Variants in MLYCD observed in about 807,000 individuals in gnomAD.
The protein encoded by MLYCD is malonyl-CoA decarboxylase, mitochondrial.
A neutral mutation model predicts 35.8 loss-of-function variants in MLYCD; 27 were observed. The ratio of observed to expected loss-of-function variants is 0.75; its 90% CI spans 0.56 to 1.04. The LOEUF is 1.04. Ranked by LOEUF, MLYCD falls within the 50% of genes least tolerant of loss-of-function variation. MLYCD has a pLI of 0.00. For missense variants in MLYCD, 917 were observed against 665.1 expected, an observed-to-expected ratio of 1.38 and a Z score of -4.17; for synonymous variants, 403 against 302.4, an observed-to-expected ratio of 1.33 and a Z score of -3.45.
At chr16:83,914,590 C>T (rs1337864355) in intron 4 of MLYCD, 2 of 346,750 alleles carry the variant, frequency 5.8e-6, no homozygotes, top group African/African-American at 2.1e-5. Flanking sequence ...GTCAGGATGC[C>T]TCCAGGGTCT....
At position 83,921,367 on chromosome 16, in the gene MLYCD, A is replaced by T. The variant is rs976480493; in HGVS notation, c.*5878A>T. 1.2e-4 allele frequency: 15 copies of T among 123,046 alleles called. No individual in the cohort carries two copies. Among genetic ancestry groups the T allele is most frequent in the Middle Eastern group, 4.0e-3 (1 of 250 alleles). 7.6% of individuals were successfully genotyped at this position (123,046 alleles called of 1,614,324 possible). A position where few individuals can be genotyped will look rare whatever the true frequency, so the allele number is the denominator to read the frequency against. On this transcript the variant is annotated 3_prime_UTR_variant, in exon 5 of 5. Transcript: ENST00000262430. ...ATGGAAGGAAAGGAAAGGAGGATGG[A>T]TGGATGGATGGATGGATAGATGGAT...
chr16:83,900,487 T>G (rs1597286741), intron 1 of MLYCD, among the ~76,000 whole-genome samples: 1 of 151,944 alleles, frequency 6.6e-6, no homozygotes, highest in Admixed American at 6.6e-5. Context: ...TTATCACGGC[T>G]CACTGCAGCC....
intron 1 of MLYCD, among the ~76,000 whole-genome samples, chr16:83,900,119 C>T (rs1906731887): frequency 6.6e-6 from 1 of 152,130 alleles, no homozygotes; most frequent in Non-Finnish European, 1.5e-5. Flanking sequence ...GAGACATTGT[C>T]CTGAGAAGTC....
Position 83,923,320 on chromosome 16 carries a change from T to C in MLYCD, c.*7831T>C, listed in dbSNP as rs539500166. 2.0e-5 allele frequency: 3 copies of C among 152,382 alleles called. No individual in the cohort carries two copies. The highest frequency in any genetic ancestry group is 1.9e-4 in the East Asian group (1 of 5,186). The allele number at this position is 152,382 out of a possible 1,614,324, so 9.4% of individuals were successfully genotyped here. On this transcript the variant is annotated 3_prime_UTR_variant, in exon 5 of 5. Transcript: ENST00000262430. ...GAGCAAACACCTCTGTGATTTCCAA[T>C]TGGATTCTGAGGCGCTTACAGAAAT...
intron 1 of MLYCD, among the ~76,000 whole-genome samples, chr16:83,906,407 G>T (rs1324369012): frequency 6.6e-6 from 1 of 152,116 alleles, no homozygotes; most frequent in Non-Finnish European, 1.5e-5. Context: ...CAAAAATGCT[G>T]CCAATTAGTC....
intron 2 of MLYCD, among the ~76,000 whole-genome samples, 187 bp downstream of exon 2, chr16:83,907,286 G>A (rs1907013960): frequency 6.6e-6 from 1 of 152,158 alleles, no homozygotes; most frequent in South Asian, 2.1e-4. Context: ...GATTATGGAG[G>A]AAGACGAAAG....
intron 3 of MLYCD, among the ~76,000 whole-genome samples, chr16:83,910,043 C>G (rs1907119093): frequency 6.6e-6 from 1 of 152,146 alleles, no homozygotes. Flanking sequence ...AGCTCGCATC[C>G]TGACTCTAAG....
At chr16:83,903,310 CTTG>C (rs1262970043) in intron 1 of MLYCD, among the ~76,000 whole-genome samples, 2 of 152,104 alleles carry the variant, frequency 1.3e-5, no homozygotes, top group Non-Finnish European at 2.9e-5. Context: ...TTGAGTACTC[CTTG>C]TTGGTTCTAG....
At position 83,914,399 on chromosome 16, in the gene MLYCD, G is replaced by T. The variant is rs116140375; in HGVS notation, c.949-557G>T. On this transcript the variant is annotated intron_variant, in intron 4 of 4. Transcript: ENST00000262430. ...CAGAGCAGCTTCCGGGGCCTCACAG[G>T]TGGCCATGGGAGGAGCATGGTGTAC... 4.3e-3 allele frequency: 762 copies of T among 176,384 alleles called. 3 individuals are homozygous for T. Among genetic ancestry groups the T allele is most frequent in the African/African-American group, 0.018 (745 of 42,042 alleles). The allele number at this position is 176,384 out of a possible 1,614,324, so 10.9% of individuals were successfully genotyped here. A position where few individuals can be genotyped will look rare whatever the true frequency, so the allele number is the denominator to read the frequency against.
chr16:83,911,088 T>C (rs868260553), intron 3 of MLYCD, among the ~76,000 whole-genome samples: 9 of 152,316 alleles, frequency 5.9e-5, no homozygotes, highest in South Asian at 2.1e-4. Context: ...ACCATTCTCC[T>C]GCCTCAGCCT....
chr16:83,903,138 T>C (rs1906857650), intron 1 of MLYCD, among the ~76,000 whole-genome samples: 1 of 152,136 alleles, frequency 6.6e-6, no homozygotes, highest in African/African-American at 2.4e-5. Context: ...CTTTAATTCA[T>C]GGAAAGGGTT....
chr16:83,902,500 T>G (rs1906831181), intron 1 of MLYCD, among the ~76,000 whole-genome samples: 1 of 124,850 alleles, frequency 8.0e-6, no homozygotes, highest in Admixed American at 1.1e-4. Context: ...ATTTTTTTAA[T>G]CTGATTTTTT....
In MLYCD at chr16:83,915,795, A is replaced by G. The variant is rs1331439016; in HGVS notation, c.*306A>G. 1.6e-6 allele frequency: 2 copies of G among 1,285,852 alleles called. No individual in the cohort carries two copies. The highest frequency in any genetic ancestry group is 1.5e-5 in the African/African-American group (1 of 66,198). The allele number at this position is 1,285,852 out of a possible 1,614,324, so 79.7% of individuals were successfully genotyped here. The stretch of plus-strand genomic sequence containing the variant: ...GCCCGGGGCTGGTGCTGTGGTACCT[A>G]CATCTTCAGGAAGCTGTGCAGCCTC... On this transcript the variant is annotated 3_prime_UTR_variant, in exon 5 of 5. Transcript: ENST00000262430.
At chr16:83,913,966 G>T (rs1220988744) in intron 4 of MLYCD, 2 of 152,106 alleles carry the variant, frequency 1.3e-5, no homozygotes, top group Admixed American at 1.3e-4. Flanking sequence ...AAATGATAAT[G>T]AGAAAATGCT....
chr16:83,923,270 AT>A lies in MLYCD; in HGVS notation c.*7782del, dbSNP rs1907709435. On this transcript the variant is annotated 3_prime_UTR_variant, in exon 5 of 5. Coordinates refer to ENST00000262430, the MANE Select transcript of MLYCD (RefSeq NM_012213.3). ...TTCTGAGCTCTGTTTGAAATTAAAC[AT>A]GAGGTGTACTAAAGATTTAAATCGA... The A allele has an allele frequency of 6.6e-6, 1 of 152,248 alleles. No individual in the cohort carries two copies. The highest frequency in any genetic ancestry group is 1.5e-5 in the Non-Finnish European group (1 of 68,050). The allele number at this position is 152,248 out of a possible 1,614,324, so 9.4% of individuals were successfully genotyped here.
chr16:83,911,209 A>T (rs1255079749), intron 3 of MLYCD, among the ~76,000 whole-genome samples: 4 of 151,868 alleles, frequency 2.6e-5, no homozygotes. Context: ...CGATCTCCTG[A>T]CCTCGTGATC....
In MLYCD at chr16:83,921,809, G is replaced by C. The variant is rs868172550; in HGVS notation, c.*6320G>C. The C allele has an allele frequency of 5.7e-5, 8 of 139,296 alleles. No individual in the cohort carries two copies. The highest frequency in any genetic ancestry group is 2.0e-4 in the African/African-American group (8 of 40,252). The allele number at this position is 139,296 out of a possible 1,614,324, so 8.6% of individuals were successfully genotyped here. On this transcript the variant is annotated 3_prime_UTR_variant, in exon 5 of 5. Coordinates refer to ENST00000262430, the MANE Select transcript of MLYCD (RefSeq NM_012213.3). The stretch of plus-strand genomic sequence containing the variant: ...TCATCTTTCCCACAGTGGCAGTGCA[G>C]AGGAGACAAAAGCAGAACAAAAGCA...
chr16:83,914,850 A>G, intron 4 of MLYCD, 106 bp from the exon 5 acceptor site: 1 of 1,492,862 alleles, frequency 6.7e-7, no homozygotes, highest in Admixed American at 1.7e-5. Flanking sequence ...TGACCGCTAC[A>G]CAGCAGCATG....
In MLYCD at chr16:83,918,746, CAGG is replaced by C. The variant is rs1222566579; in HGVS notation, c.*3260_*3262del. The C allele has an allele frequency of 7.0e-6, 1 of 143,786 alleles. No homozygotes were observed. The highest frequency in any genetic ancestry group is 1.5e-5 in the Non-Finnish European group (1 of 66,408). The allele number at this position is 143,786 out of a possible 1,614,324, so 8.9% of individuals were successfully genotyped here. On this transcript the variant is annotated 3_prime_UTR_variant, in exon 5 of 5. Transcript: ENST00000262430. ...CACACAGTGCACAGAACACAGTGCA[CAGG>C]AGAACACGCACACAGTGCACAGAGA...
Sources: allele counts gnomAD v4.1 joint callset (sites outside exome capture counted in the v4.1 genomes callset), GRCh38; gene constraint gnomAD v4.1.1; transcripts MANE v1.5; gene names NCBI Gene and HGNC (gene_info 2026-07-23, HGNC 2026-07-21).